CYP4B1: variants seen among roughly 807,000 people sequenced by gnomAD.
The protein encoded by CYP4B1 is cytochrome P450 family 4 subfamily B member 1.
A neutral mutation model predicts 54.0 loss-of-function variants in CYP4B1; 45 were observed. The observed-to-expected ratio is 0.83, with a 90% CI of 0.66 to 1.07. The LOEUF is 1.07. Ranked by LOEUF, CYP4B1 falls within the 50% of genes least tolerant of loss-of-function variation. The pLI is 0.00. For synonymous variants in CYP4B1, 248 were observed against 247.5 expected (o/e 1.00, Z -0.02); for missense variants, 656 against 655.4 (o/e 1.00, Z -0.01).
intron 1 of CYP4B1, among the ~76,000 whole-genome samples, chr1:46,805,290 T>C (rs1678814226): frequency 6.6e-6 from 1 of 152,204 alleles, no homozygotes. Flanking sequence ...GAGTTCACCT[T>C]TGGATGCTGA....
Position 46,799,079 on chromosome 1 carries a change from A to G in CYP4B1, c.-3A>G, listed in dbSNP as rs1249496054. 6 of 1,613,804 alleles carry G rather than the reference A, an allele frequency of 3.7e-6. No homozygotes were observed. Among genetic ancestry groups the G allele is most frequent in the Middle Eastern group, 3.3e-4 (2 of 6,024 alleles). On this transcript the variant is annotated 5_prime_UTR_variant, in exon 1 of 12. Transcript: ENST00000371923. ...TGAAGGCTAGGTGGCTGGAACTGCA[A>G]CCATGGTGCCCAGCTTCCTCTCCCT... is the stretch of plus-strand genomic sequence containing the variant.
At chr1:46,811,321 C>A (rs560312262) in intron 3 of CYP4B1, 137 bp downstream of exon 3, 6 of 865,778 alleles carry the variant, frequency 6.9e-6, no homozygotes, top group African/African-American at 3.3e-5. Flanking sequence ...CTCAGCTGCT[C>A]AGTGGAGAGA....
At chr1:46,804,554 T>C (rs1678783609) in intron 1 of CYP4B1, among the ~76,000 whole-genome samples, 1 of 151,668 alleles carries the variant, frequency 6.6e-6, no homozygotes, top group Non-Finnish European at 1.5e-5. Flanking sequence ...GTGAGGTGCC[T>C]TGTGGGGAGG....
At chr1:46,813,455 A>G (rs377439400) in intron 4 of CYP4B1, 27 bp from the exon 5 acceptor site, 43 of 1,613,820 alleles carry the variant, frequency 2.7e-5, no homozygotes, top group Non-Finnish European at 3.4e-5. Flanking sequence ...CGCCTCCTAC[A>G]CATTGCCTCC....
intron 7 of CYP4B1, 28 bp from the exon 8 acceptor site, chr1:46,815,046 C>T: frequency 6.2e-7 from 1 of 1,604,668 alleles, no homozygotes; most frequent in Non-Finnish European, 8.5e-7. Context: ...ATACCTCAAG[C>T]TGTCCTATTA....
rs1431400675 is a variant in CYP4B1, at chr1:46,812,624, G to A, written c.495+1G>A. ...CACTGAGTCTACACGTATCATGCTG[G>A]TGAGCTCCCTGTGCCAGAGTACTGG... On this transcript the variant is annotated splice_donor_variant, in intron 4 of 11. Transcript: ENST00000371923. LOFTEE classifies it high-confidence loss of function. 1 of 1,613,244 alleles carries A rather than the reference G, an allele frequency of 6.2e-7. No individual in the cohort carries two copies. The highest frequency in any genetic ancestry group is 1.3e-5 in the African/African-American group (1 of 74,928).
At chr1:46,804,136 C>G (rs45590932) in intron 1 of CYP4B1, among the ~76,000 whole-genome samples, 2,035 of 152,196 alleles carry the variant, frequency 0.013, 47 homozygotes, top group African/African-American at 0.045. Flanking sequence ...AGGGAAGAGG[C>G]CAAGGACTGG....
intron 8 of CYP4B1, 100 bp from the exon 9 acceptor site, chr1:46,816,948 T>TGTG: frequency 7.4e-7 from 1 of 1,355,872 alleles, no homozygotes; most frequent in Non-Finnish European, 1.0e-6. Context: ...CTCTTGAGTG[T>TGTG]GTGGTGGTGG....
chr1:46,800,261 C>A (rs1678590641), intron 1 of CYP4B1, among the ~76,000 whole-genome samples: 1 of 103,836 alleles, frequency 9.6e-6, no homozygotes, highest in Non-Finnish European at 2.0e-5. Context: ...TTCCTTCCTT[C>A]CTTCCTTCCT....
chr1:46,813,580 A>G lies in CYP4B1; in HGVS notation c.594A>G (p.Gly198=), dbSNP rs1310155098. ...ALNTLMKCTF[G]RGDTGLGHSR... is the part of the protein sequence containing the mutation. ...ACACACTCATGAAGTGCACCTTTGGAAGAGGAGACACCGGCCTGGGCCACA... is the reference window on the plus strand; with the variant it reads ...ACACACTCATGAAGTGCACCTTTGGGAGAGGAGACACCGGCCTGGGCCACA... Residue 198 remains glycine, a synonymous_variant, in exon 5 of 12, where the codon GGA becomes GGG. Coordinates refer to ENST00000371923, the MANE Select transcript of CYP4B1 (RefSeq NM_001099772.2). 3.1e-6 allele frequency: 5 copies of G among 1,613,988 alleles called. No individual in the cohort carries two copies.
At chr1:46,814,754 G>A (rs1009925118) in intron 7 of CYP4B1, 3 of 399,960 alleles carry the variant, frequency 7.5e-6, no homozygotes, top group Non-Finnish European at 1.4e-5. Context: ...AGTCCAGCAG[G>A]GGAGACAGTA....
At chr1:46,805,228 T>G (rs1678812017) in intron 1 of CYP4B1, among the ~76,000 whole-genome samples, 1 of 152,248 alleles carries the variant, frequency 6.6e-6, no homozygotes, top group African/African-American at 2.4e-5. Context: ...TTTAGCTGTT[T>G]GGATGTTTTC....
rs377113040 is a variant in CYP4B1 at position 46,814,040 on chromosome 1, G to T, written c.752G>T (p.Cys251Phe). Residue 251 changes from cysteine (C) to phenylalanine (F), a missense_variant, in exon 6 of 12, where the codon TGC becomes TTC. Transcript: ENST00000371923. ...TPHGRRFLRA[C>F]QVAHDHTDQV... ...CATGGCCGCCGCTTCCTGCGGGCCT[G>T]CCAGGTGGCCCATGACCATACAGGT... The T allele has an allele frequency of 6.2e-7, 1 of 1,613,944 alleles. No homozygotes were observed. Among genetic ancestry groups the T allele is most frequent in the African/African-American group, 1.3e-5 (1 of 74,932 alleles).
rs1679457943 is a variant in CYP4B1 at position 46,819,123 on chromosome 1, T to A, written c.*309T>A. ...GCAAACTTAAAAATGCAGCAGAAAC[T>A]TACATTCCAACCTTAGAGACTCATA... On this transcript the variant is annotated 3_prime_UTR_variant, in exon 12 of 12. Coordinates refer to ENST00000371923, the MANE Select transcript of CYP4B1 (RefSeq NM_001099772.2). The A allele has an allele frequency of 3.9e-6, 1 of 257,938 alleles. No homozygotes were observed. Among genetic ancestry groups the A allele is most frequent in the Non-Finnish European group, 7.4e-6 (1 of 135,520 alleles). 16.0% of individuals were successfully genotyped at this position (257,938 alleles called of 1,614,324 possible).
chr1:46,818,214 G>T lies in CYP4B1; in HGVS notation c.1355+1G>T, dbSNP rs756753020. On this transcript the variant is annotated splice_donor_variant, in intron 11 of 11. Coordinates refer to ENST00000371923, the MANE Select transcript of CYP4B1 (RefSeq NM_001099772.2). LOFTEE classifies it high-confidence loss of function. The stretch of plus-strand genomic sequence containing the variant: ...TTATGCCCTTCTCTGCTGGGCCCAG[G>T]TATGGAGAGACCCAGTATCCCAGGC... The T allele has an allele frequency of 6.2e-6, 10 of 1,613,492 alleles. No individual in the cohort carries two copies. In the East Asian group the frequency reaches 2.2e-4, roughly 36 times the overall value.
chr1:46,813,631 C>T (rs556445377), intron 5 of CYP4B1, 25 bp downstream of exon 5: 28 of 1,612,706 alleles, frequency 1.7e-5, no homozygotes, highest in East Asian at 4.5e-5. Context: ...CGGGGCTGAC[C>T]GCACTGTCTC....
rs1678509026 is a variant in CYP4B1, at chr1:46,799,231, C to G, written c.150C>G (p.Pro50=). 3 of 1,601,092 alleles carry G rather than the reference C, an allele frequency of 1.9e-6. No homozygotes were observed. Among genetic ancestry groups the G allele is most frequent in the Middle Eastern group, 1.6e-4 (1 of 6,074 alleles). Residue 50 remains proline, a synonymous_variant, in exon 1 of 12, where the codon CCC becomes CCG. Coordinates refer to ENST00000371923, the MANE Select transcript of CYP4B1 (RefSeq NM_001099772.2). ...AKAMDKFPGP[P]THWLFGHALE... The stretch of plus-strand genomic sequence containing the variant: ...CTATGGACAAATTCCCAGGGCCTCC[C>G]ACCCACTGGCTTTTTGGACATGCCC...
At position 46,818,817 on chromosome 1, in the gene CYP4B1, C is replaced by G. The variant is rs748126429; in HGVS notation, c.*3C>G. ...TGGGCCCTGGGTCTGGGAAGTAGCT[C>G]TGATGAGAATGGGGTCCCAGATGGC... On this transcript the variant is annotated 3_prime_UTR_variant, in exon 12 of 12. Coordinates refer to ENST00000371923, the MANE Select transcript of CYP4B1 (RefSeq NM_001099772.2). 6.2e-7 allele frequency: 1 copy of G among 1,614,036 alleles called. No homozygotes were observed. Among genetic ancestry groups the G allele is most frequent in the South Asian group, 1.1e-5 (1 of 91,064 alleles).
intron 9 of CYP4B1, chr1:46,817,503 A>G (rs1679383951): frequency 2.2e-6 from 1 of 454,204 alleles, no homozygotes; most frequent in Non-Finnish European, 4.0e-6. Flanking sequence ...ACACTCACAT[A>G]GACTATGATG....
Sources: allele counts gnomAD v4.1 joint callset (sites outside exome capture counted in the v4.1 genomes callset), GRCh38; gene constraint gnomAD v4.1.1; transcripts MANE v1.5; gene names NCBI Gene and HGNC (gene_info 2026-07-23, HGNC 2026-07-21).